The following EEF2K variants were observed in gnomAD, a reference collection of about 807,000 sequenced individuals.
The protein encoded by EEF2K is eukaryotic elongation factor 2 kinase.
EEF2K carries 70 observed loss-of-function variants against 93.8 expected under a neutral mutation model. That is an observed-to-expected ratio of 0.75 (90% CI 0.62 to 0.91). The LOEUF (loss-of-function observed/expected upper bound fraction) is 0.91. Among genes scored for constraint, EEF2K ranks in the 40% least tolerant of loss-of-function variants. EEF2K has a pLI of 0.00. For missense variants in EEF2K, 935 were observed against 972.9 expected, an observed-to-expected ratio of 0.96 and a Z score of 0.52; for synonymous variants, 376 against 380.8, an observed-to-expected ratio of 0.99 and a Z score of 0.15.
chr16:22,281,484 T>A (rs545547177), intron 17 of EEF2K, among the ~76,000 whole-genome samples: 1 of 152,226 alleles, frequency 6.6e-6, no homozygotes, highest in African/African-American at 2.4e-5. Context: ...TCAAGCAATC[T>A]GCTGCCTTGG....
intron 9 of EEF2K, 96 bp downstream of exon 9, chr16:22,257,866 A>G (rs2047423042): frequency 2.6e-6 from 4 of 1,520,986 alleles, no homozygotes; most frequent in Non-Finnish European, 3.5e-6. Flanking sequence ...CAGGTCAAGC[A>G]GTGCTTAACT....
At chr16:22,227,559 G>A (rs766414692) in intron 2 of EEF2K, among the ~76,000 whole-genome samples, 17 of 152,100 alleles carry the variant, frequency 1.1e-4, no homozygotes, top group Non-Finnish European at 2.2e-4. Context: ...ATTGAAAACC[G>A]TTTGGTAGGT....
At position 22,287,968 on chromosome 16, in the gene EEF2K, T is replaced by G. The variant is rs527983270; in HGVS notation, c.*3972T>G. ...TCTCAAGTAGCTAAAACTACAGATG[T>G]GCACCATCACATCTGGCTAATTTTT... is the stretch of plus-strand genomic sequence containing the variant. On this transcript the variant is annotated 3_prime_UTR_variant, in exon 18 of 18. Transcript: ENST00000263026. 3 of 149,960 alleles carry G rather than the reference T, an allele frequency of 2.0e-5. No homozygotes were observed. The highest frequency in any genetic ancestry group is 7.4e-5 in the African/African-American group (3 of 40,450). 9.3% of individuals were successfully genotyped at this position (149,960 alleles called of 1,614,324 possible).
chr16:22,247,268 C>G (rs1382290300), intron 3 of EEF2K, among the ~76,000 whole-genome samples: 1 of 151,268 alleles, frequency 6.6e-6, no homozygotes, highest in Non-Finnish European at 1.5e-5. Flanking sequence ...TGGTGAAACT[C>G]CATCTCTACA....
chr16:22,223,262 G>GGTT (rs900733922), intron 1 of EEF2K, among the ~76,000 whole-genome samples: 1 of 107,478 alleles, frequency 9.3e-6, no homozygotes, highest in African/African-American at 3.4e-5. Context: ...GTTTTTTTCT[G>GGTT]TTTTTTTTTT....
Position 22,266,544 on chromosome 16 carries a change from T to G in EEF2K, c.1575+20T>G. ...GGGAAGGTATCGGCGATGCCCATTT[T>G]GGAGCCCTGTCTGCACTAACCTGGA... is the stretch of plus-strand genomic sequence containing the variant. On this transcript the variant is annotated intron_variant, in intron 14 of 17. Coordinates refer to ENST00000263026, the MANE Select transcript of EEF2K (RefSeq NM_013302.5). 1 of 1,613,644 alleles carries G rather than the reference T, an allele frequency of 6.2e-7. No individual in the cohort carries two copies. The highest frequency in any genetic ancestry group is 8.5e-7 in the Non-Finnish European group (1 of 1,179,730).
rs1415066166 is a variant in EEF2K at position 22,286,252 on chromosome 16, T to TGC, written c.*2258_*2259dup. 2 of 152,210 alleles carry TGC rather than the reference T, an allele frequency of 1.3e-5. No homozygotes were observed. The highest frequency in any genetic ancestry group is 2.9e-5 in the Non-Finnish European group (2 of 68,034). The allele number at this position is 152,210 out of a possible 1,614,324, so 9.4% of individuals were successfully genotyped here. ...TTGTGTTACATTTTGTGTGTGTGTG[T>TGC]GCGTGTTTTAAACCAGTGCATATAA... On this transcript the variant is annotated 3_prime_UTR_variant, in exon 18 of 18. Transcript: ENST00000263026.
intron 2 of EEF2K, among the ~76,000 whole-genome samples, chr16:22,233,603 C>T (rs2047137866): frequency 6.6e-6 from 1 of 152,014 alleles, no homozygotes; most frequent in Non-Finnish European, 1.5e-5. Flanking sequence ...AGGAGAATCA[C>T]TTGAACCTGG....
chr16:22,225,584 G>A (rs2047054262), intron 1 of EEF2K, 70 bp from the exon 2 acceptor site: 12 of 1,253,578 alleles, frequency 9.6e-6, no homozygotes, highest in Middle Eastern at 2.8e-4. Context: ...GCAGCATTTG[G>A]GGTGAGGGTC....
At chr16:22,236,009 C>T (rs982253924) in intron 2 of EEF2K, among the ~76,000 whole-genome samples, 1 of 151,934 alleles carries the variant, frequency 6.6e-6, no homozygotes, top group African/African-American at 2.4e-5. Flanking sequence ...TGCTATGCTG[C>T]CCAGGCTGCT....
chr16:22,264,224 G>A (rs1269215107), intron 12 of EEF2K, among the ~76,000 whole-genome samples: 1 of 148,502 alleles, frequency 6.7e-6, no homozygotes, highest in Middle Eastern at 3.4e-3. Context: ...CCTGGGAGGT[G>A]GAGGTTGCAG....
rs1228360919 is a variant in EEF2K at position 22,280,667 on chromosome 16, T to C, written c.2068+291T>C. On this transcript the variant is annotated intron_variant, in intron 17 of 17. Transcript: ENST00000263026. ...GGGTTTTCCTTTCCTTTCTTTCTTT[T>C]TTTTTTTTTTTTTTTGAGACGGAGT... Among the ~76,000 whole-genome samples the C allele has an allele frequency of 1.9e-4, 28 of 148,580 alleles. No homozygotes were observed. In the East Asian group the frequency reaches 3.1e-3, roughly 17 times the overall value.
intron 1 of EEF2K, 88 bp from the exon 2 acceptor site, chr16:22,225,566 G>A (rs116864842): frequency 0.05 from 54,955 of 1,090,106 alleles, 1,675 homozygotes; most frequent in Non-Finnish European, 0.061. Flanking sequence ...CAGCTCCTGC[G>A]ATAGCCTGCA....
rs766417140 is a variant in EEF2K at position 22,224,636 on chromosome 16, C to CA, written c.-76-1007dup. Reference sequence around the variant, plus strand: ...TGGATGACAGAGCAAGATTCTGTCTCAAAAAAAAAAAGAAAAGAAAAGAAA... The same window carrying CA: ...TGGATGACAGAGCAAGATTCTGTCTCAAAAAAAAAAAAGAAAAGAAAAGAAA... On this transcript the variant is annotated intron_variant, in intron 1 of 17. Transcript: ENST00000263026. Among the ~76,000 whole-genome samples the CA allele has an allele frequency of 7.9e-3, 933 of 117,440 alleles. 5 individuals are homozygous for CA. Among genetic ancestry groups the CA allele is most frequent in the Middle Eastern group, 0.018 (4 of 226 alleles). 77.0% of individuals were successfully genotyped at this position (117,440 alleles called of 152,430 possible).
chr16:22,250,123 C>T (rs185832391), intron 4 of EEF2K, among the ~76,000 whole-genome samples: 2 of 152,080 alleles, frequency 1.3e-5, no homozygotes, highest in Admixed American at 1.3e-4. Flanking sequence ...GTTGCCCAGG[C>T]TGGTCTTGAA....
chr16:22,268,401 C>T (rs1250811823), intron 15 of EEF2K, among the ~76,000 whole-genome samples: 1 of 151,932 alleles, frequency 6.6e-6, no homozygotes, highest in Admixed American at 6.6e-5. Flanking sequence ...GAACTCCTGA[C>T]CTCAGGTGAT....
intron 3 of EEF2K, among the ~76,000 whole-genome samples, chr16:22,247,065 A>C (rs1311475215): frequency 6.7e-6 from 1 of 149,178 alleles, no homozygotes; most frequent in Non-Finnish European, 1.5e-5. Context: ...AAAAAAAAAA[A>C]AAGAAACTAG....
intron 15 of EEF2K, among the ~76,000 whole-genome samples, chr16:22,270,321 T>A (rs1008978326): frequency 1.3e-5 from 2 of 151,644 alleles, no homozygotes; most frequent in Admixed American, 1.3e-4. Context: ...GACAGGGTTT[T>A]ACCATGTTGG....
rs1459622756 is a variant in EEF2K, at chr16:22,211,924, C to T, written c.-77+5245C>T. ...TGCAGAGGAACAAGACACACGGCCC[C>T]TTTTGTTCAAGACACTCACATGGTC... On this transcript the variant is annotated intron_variant, in intron 1 of 17. Coordinates refer to ENST00000263026, the MANE Select transcript of EEF2K (RefSeq NM_013302.5). 5.9e-5 allele frequency among the ~76,000 whole-genome samples: 9 copies of T among 151,906 alleles called. No homozygotes were observed. The East Asian group carries it at 1.5e-3, about 26-fold the overall frequency.
Sources: allele counts gnomAD v4.1 joint callset (sites outside exome capture counted in the v4.1 genomes callset), GRCh38; gene constraint gnomAD v4.1.1; transcripts MANE v1.5; gene names NCBI Gene and HGNC (gene_info 2026-07-23, HGNC 2026-07-21).